Variants in CELF4 observed in about 807,000 individuals in gnomAD.
CELF4 encodes CUG-BP- and ETR-3-like factor 4.
Under a neutral mutation model 59.9 loss-of-function variants are expected in CELF4, and 18 were observed. That is an observed-to-expected ratio of 0.30 (90% CI 0.21 to 0.45). The LOEUF is 0.45. Among genes scored for constraint, CELF4 ranks in the 20% least tolerant of loss-of-function variants. The pLI is 1.00. For missense variants in CELF4, 456 were observed against 689.0 expected, an observed-to-expected ratio of 0.66 and a Z score of 3.79; for synonymous variants, 261 against 267.1, an observed-to-expected ratio of 0.98 and a Z score of 0.22.
intron 1 of CELF4, among the ~76,000 whole-genome samples, chr18:37,490,157 C>T (rs886910584): frequency 4.6e-5 from 7 of 152,128 alleles, no homozygotes; most frequent in East Asian, 1.9e-4. Context: ...AAATAATAGA[C>T]GCCATGTATA....
intron 2 of CELF4, among the ~76,000 whole-genome samples, chr18:37,345,793 A>G (rs896072415): frequency 6.6e-5 from 10 of 152,078 alleles, no homozygotes; most frequent in Admixed American, 1.3e-4. Flanking sequence ...AGAAAGGCAC[A>G]GCCTACCCTG....
intron 1 of CELF4, among the ~76,000 whole-genome samples, chr18:37,515,250 T>C (rs2099949362): frequency 6.6e-6 from 1 of 152,214 alleles, no homozygotes; most frequent in South Asian, 2.1e-4. Context: ...ACACTGCATC[T>C]TGCCTCCCTA....
chr18:37,375,968 C>T (rs1331252045), intron 2 of CELF4, among the ~76,000 whole-genome samples: 3 of 152,112 alleles, frequency 2.0e-5, no homozygotes, highest in African/African-American at 7.2e-5. Flanking sequence ...AGTTCCTTTG[C>T]TTTTCCTGTA....
chr18:37,313,630 C>A (rs573454579), intron 3 of CELF4, among the ~76,000 whole-genome samples: 1 of 152,240 alleles, frequency 6.6e-6, no homozygotes, highest in African/African-American at 2.4e-5. Context: ...ACGCTGCCCC[C>A]ACCCAGGCCC....
chr18:37,435,709 C>T (rs866431792), intron 2 of CELF4, among the ~76,000 whole-genome samples: 4 of 152,132 alleles, frequency 2.6e-5, no homozygotes, highest in Admixed American at 6.5e-5. Context: ...GGCTCCCAGG[C>T]GACTCTCAGC....
At chr18:37,299,093 C>T (rs79712138) in intron 3 of CELF4, among the ~76,000 whole-genome samples, 1,633 of 152,266 alleles carry the variant, frequency 0.011, 23 homozygotes, top group African/African-American at 0.038. Context: ...AGGCAGGATC[C>T]GAGCAGGCAA....
chr18:37,513,750 A>G (rs1346662202), intron 1 of CELF4, among the ~76,000 whole-genome samples: 1 of 152,080 alleles, frequency 6.6e-6, no homozygotes, highest in Non-Finnish European at 1.5e-5. Flanking sequence ...CTTTCTGCTT[A>G]TCTTTATCCA....
intron 2 of CELF4, among the ~76,000 whole-genome samples, chr18:37,368,306 T>C (rs9960496): frequency 6.6e-6 from 1 of 151,932 alleles, no homozygotes; most frequent in Non-Finnish European, 1.5e-5. Flanking sequence ...CATCCTTCCC[T>C]CCTCCCTGCC....
At chr18:37,533,614 T>A (rs2099971205) in intron 1 of CELF4, among the ~76,000 whole-genome samples, 1 of 152,262 alleles carries the variant, frequency 6.6e-6, no homozygotes, top group East Asian at 1.9e-4. Context: ...AAGGCTCTTC[T>A]GGTGAGCAAA....
chr18:37,278,418 G>C (rs906088978), intron 3 of CELF4, among the ~76,000 whole-genome samples: 2 of 152,200 alleles, frequency 1.3e-5, no homozygotes, highest in African/African-American at 2.4e-5. Flanking sequence ...TGGCTTGTGC[G>C]AGTGATTCTA....
intron 2 of CELF4, among the ~76,000 whole-genome samples, chr18:37,426,670 C>G (rs956805105): frequency 6.7e-6 from 1 of 149,286 alleles, no homozygotes; most frequent in Non-Finnish European, 1.5e-5. Flanking sequence ...GGGTGCGGTG[C>G]GGGAGGGCTG....
At chr18:37,289,819 C>T (rs1323445527) in intron 3 of CELF4, among the ~76,000 whole-genome samples, 2 of 152,196 alleles carry the variant, frequency 1.3e-5, no homozygotes, top group African/African-American at 4.8e-5. Context: ...GCTGCACCGC[C>T]TTCTCTGTTG....
At chr18:37,260,519 T>TA (rs1445089791) in intron 10 of CELF4, among the ~76,000 whole-genome samples, 1 of 152,172 alleles carries the variant, frequency 6.6e-6, no homozygotes, top group Non-Finnish European at 1.5e-5. Context: ...GCTGGAAACC[T>TA]AGGCATGAGC....
intron 2 of CELF4, among the ~76,000 whole-genome samples, chr18:37,384,986 T>C (rs1189441419): frequency 6.6e-6 from 1 of 152,184 alleles, no homozygotes; most frequent in Non-Finnish European, 1.5e-5. Flanking sequence ...AAGCCTTTTC[T>C]CCCTTTGTCC....
intron 1 of CELF4, among the ~76,000 whole-genome samples, chr18:37,523,067 G>A (rs60191138): frequency 0.028 from 4,193 of 152,214 alleles, 179 homozygotes; most frequent in African/African-American, 0.097. Context: ...CAAGGGGGGC[G>A]GGTAGGCATG....
At chr18:37,296,973 C>T (rs1034800095) in intron 3 of CELF4, among the ~76,000 whole-genome samples, 5 of 152,242 alleles carry the variant, frequency 3.3e-5, no homozygotes, top group African/African-American at 9.6e-5. Flanking sequence ...AGGAACACAC[C>T]AGACTGAGGC....
chr18:37,460,588 T>C (rs193064148), intron 2 of CELF4, among the ~76,000 whole-genome samples: 4 of 152,318 alleles, frequency 2.6e-5, no homozygotes, highest in Admixed American at 1.3e-4. Flanking sequence ...TCTAGATATG[T>C]CTCACTGTTG....
At chr18:37,261,048 TG>T (rs2074018121) in intron 10 of CELF4, among the ~76,000 whole-genome samples, 1 of 152,114 alleles carries the variant, frequency 6.6e-6, no homozygotes, top group Middle Eastern at 3.2e-3. Flanking sequence ...GTGCCCTTGG[TG>T]GCCCCCAGCT....
intron 10 of CELF4, among the ~76,000 whole-genome samples, chr18:37,259,692 A>G (rs1290413823): frequency 6.6e-6 from 1 of 152,132 alleles, no homozygotes; most frequent in Non-Finnish European, 1.5e-5. Flanking sequence ...TGGGGCAGCC[A>G]AGTCCTGTGC....
Sources: gnomAD v4.1 joint callset for allele counts (sites outside exome capture counted in the v4.1 genomes callset) on GRCh38, gnomAD v4.1.1 for gene constraint, MANE v1.5 for transcripts, NCBI Gene and HGNC (gene_info 2026-07-23, HGNC 2026-07-21) for gene names.